Variants in GRM3 observed in about 807,000 individuals in gnomAD.
The protein encoded by GRM3 is metabotropic glutamate receptor 3.
In GRM3, 26 loss-of-function variants were observed where a neutral mutation model predicts 70.5. The observed-to-expected ratio is 0.37, with a 90% CI of 0.27 to 0.51. The LOEUF (loss-of-function observed/expected upper bound fraction) is 0.51, where lower values mean the gene tolerates loss of function less well. Ranked by LOEUF, GRM3 falls within the 20% of genes least tolerant of loss-of-function variation. The pLI is 0.93. For synonymous variants in GRM3, 443 were observed against 434.9 expected (o/e 1.02, Z -0.23); for missense variants, 859 against 1,123.8 (o/e 0.76, Z 3.37).
chr7:86,660,650 A>G (rs701337), intron 1 of GRM3, among the ~76,000 whole-genome samples: 101,047 of 151,406 alleles, frequency 0.67, 34,030 homozygotes, highest in East Asian at 0.87. Flanking sequence ...GATAAAAAGC[A>G]CTTAGTAAAA....
intron 1 of GRM3, among the ~76,000 whole-genome samples, chr7:86,667,888 A>C (rs1334864974): frequency 6.6e-6 from 1 of 151,996 alleles, no homozygotes; most frequent in African/African-American, 2.4e-5. Context: ...AGTCACTTTC[A>C]CCCACTCAAT....
At chr7:86,838,291 T>C (rs1562878859) in intron 3 of GRM3, among the ~76,000 whole-genome samples, 1 of 152,172 alleles carries the variant, frequency 6.6e-6, no homozygotes, top group Admixed American at 6.5e-5. Context: ...GTATGATAGG[T>C]AGTTTAATTT....
chr7:86,847,422 A>T (rs1798675213), intron 4 of GRM3, among the ~76,000 whole-genome samples: 1 of 152,184 alleles, frequency 6.6e-6, no homozygotes, highest in African/African-American at 2.4e-5. Flanking sequence ...TGATTACATT[A>T]TTACGATATG....
At chr7:86,660,642 T>TGATA (rs952409157) in intron 1 of GRM3, among the ~76,000 whole-genome samples, 1 of 151,966 alleles carries the variant, frequency 6.6e-6, no homozygotes, top group Admixed American at 6.6e-5. Flanking sequence ...CATTAGTTGA[T>TGATA]AAAAAGCACT....
At chr7:86,829,156 A>G (rs1000794105) in intron 3 of GRM3, among the ~76,000 whole-genome samples, 1 of 152,166 alleles carries the variant, frequency 6.6e-6, no homozygotes, top group Non-Finnish European at 1.5e-5. Context: ...TGAGCCCTTC[A>G]AAGTCTCATG....
chr7:86,759,646 CA>C (rs1365758127), intron 1 of GRM3, among the ~76,000 whole-genome samples: 2 of 151,926 alleles, frequency 1.3e-5, no homozygotes, highest in African/African-American at 2.4e-5. Flanking sequence ...AAATAAAACA[CA>C]AGACAAAATA....
At chr7:86,722,486 G>A (rs985648623) in intron 1 of GRM3, among the ~76,000 whole-genome samples, 1 of 150,630 alleles carries the variant, frequency 6.6e-6, no homozygotes, top group East Asian at 2.0e-4. Context: ...ATCATTCTCA[G>A]CAAACTAACA....
At chr7:86,788,901 C>T (rs1333433116) in intron 3 of GRM3, among the ~76,000 whole-genome samples, 1 of 152,152 alleles carries the variant, frequency 6.6e-6, no homozygotes, top group African/African-American at 2.4e-5. Context: ...ATTCACTCAT[C>T]AACAGCTAAA....
At chr7:86,651,415 C>T (rs965772743) in intron 1 of GRM3, among the ~76,000 whole-genome samples, 1 of 152,126 alleles carries the variant, frequency 6.6e-6, no homozygotes, top group African/African-American at 2.4e-5. Flanking sequence ...TGAACCATGT[C>T]TTGGTGAATA....
chr7:86,647,871 A>G lies in GRM3; in HGVS notation c.-141+2999A>G, dbSNP rs142003182. ...GTACTTCAGTCCAGTCTGACTTTAA[A>G]TGGATCACGTAATGACTTCTTCCAG... is the stretch of plus-strand genomic sequence containing the variant. On this transcript the variant is annotated intron_variant, in intron 1 of 5. Transcript: ENST00000361669. 5.0e-3 allele frequency among the ~76,000 whole-genome samples: 762 copies of G among 152,328 alleles called. 2 individuals are homozygous for G. Among genetic ancestry groups the G allele is most frequent in the Middle Eastern group, 0.024 (7 of 294 alleles).
chr7:86,753,902 G>T (rs1348296939), intron 1 of GRM3, among the ~76,000 whole-genome samples: 1 of 152,070 alleles, frequency 6.6e-6, no homozygotes, highest in Non-Finnish European at 1.5e-5. Flanking sequence ...CCAATTTTAA[G>T]GTGCCAGCAT....
At chr7:86,785,971 T>C (rs1297271005) in intron 2 of GRM3, 1 of 256,918 alleles carries the variant, frequency 3.9e-6, no homozygotes, top group African/African-American at 2.2e-5. Flanking sequence ...GGTTTTATCC[T>C]AGTCTAGAGT....
intron 2 of GRM3, among the ~76,000 whole-genome samples, chr7:86,782,737 C>T (rs927282994): frequency 2.0e-5 from 3 of 152,200 alleles, no homozygotes; most frequent in African/African-American, 7.2e-5. Flanking sequence ...GCCTAGCACC[C>T]AGTGGATTCT....
chr7:86,674,123 C>T (rs1794243762), intron 1 of GRM3, among the ~76,000 whole-genome samples: 1 of 152,068 alleles, frequency 6.6e-6, no homozygotes, highest in African/African-American at 2.4e-5. Flanking sequence ...ATCAGGAATC[C>T]AGGCGTAGCT....
At chr7:86,812,978 C>T (rs557201565) in intron 3 of GRM3, among the ~76,000 whole-genome samples, 20 of 151,778 alleles carry the variant, frequency 1.3e-4, no homozygotes, top group African/African-American at 3.6e-4. Context: ...GGGCACTACA[C>T]TTAAATTTTT....
chr7:86,724,534 A>G (rs375808147), intron 1 of GRM3, among the ~76,000 whole-genome samples: 1 of 152,158 alleles, frequency 6.6e-6, no homozygotes, highest in East Asian at 1.9e-4. Context: ...ACTCAGTAGC[A>G]AGTAGACCAA....
At chr7:86,693,618 T>C (rs1011234028) in intron 1 of GRM3, among the ~76,000 whole-genome samples, 2 of 152,198 alleles carry the variant, frequency 1.3e-5, no homozygotes, top group Non-Finnish European at 2.9e-5. Context: ...GGAGACAACA[T>C]TCTTATGTTT....
intron 1 of GRM3, among the ~76,000 whole-genome samples, chr7:86,667,737 A>G (rs971217631): frequency 2.6e-5 from 4 of 152,170 alleles, no homozygotes; most frequent in African/African-American, 9.7e-5. Context: ...ACCCTCCAGG[A>G]AATTTTGAAG....
intron 2 of GRM3, among the ~76,000 whole-genome samples, chr7:86,774,573 A>G (rs1796837045): frequency 2.0e-5 from 3 of 152,138 alleles, no homozygotes; most frequent in Admixed American, 2.0e-4. Flanking sequence ...ATTCAATAGA[A>G]GCAACACCTT....
Sources: gnomAD v4.1 joint callset for allele counts (sites outside exome capture counted in the v4.1 genomes callset) on GRCh38, gnomAD v4.1.1 for gene constraint, MANE v1.5 for transcripts, NCBI Gene and HGNC (gene_info 2026-07-23, HGNC 2026-07-21) for gene names.